OTUD7A: variants seen among roughly 807,000 people sequenced by gnomAD.
OTUD7A encodes OTU domain-containing protein 7A.
A neutral mutation model predicts 65.7 loss-of-function variants in OTUD7A; 12 were observed. The observed-to-expected ratio is 0.18, with a 90% CI of 0.12 to 0.30. The LOEUF is 0.30. Among genes scored for constraint, OTUD7A ranks in the 10% least tolerant of loss-of-function variants. The pLI is 1.00. For synonymous variants in OTUD7A, 641 were observed against 586.3 expected (o/e 1.09, Z -1.35); for missense variants, 1,148 against 1,304.8 (o/e 0.88, Z 1.85).
intron 3 of OTUD7A, among the ~76,000 whole-genome samples, chr15:31,580,784 C>T (rs548293300): frequency 2.4e-3 from 369 of 152,284 alleles, no homozygotes; most frequent in Middle Eastern, 0.01. Flanking sequence ...ACTATCTCTA[C>T]CTGACCCTGC....
chr15:31,632,168 C>G (rs1363195929), intron 3 of OTUD7A, among the ~76,000 whole-genome samples: 1 of 152,196 alleles, frequency 6.6e-6, no homozygotes, highest in East Asian at 1.9e-4. Context: ...AGGTGCTCTG[C>G]TTTTTAGTGT....
At chr15:31,615,318 A>C (rs370170421) in intron 3 of OTUD7A, among the ~76,000 whole-genome samples, 7 of 152,338 alleles carry the variant, frequency 4.6e-5, no homozygotes, top group African/African-American at 1.7e-4. Flanking sequence ...AAAAGAGCTA[A>C]TGTAGAAAAA....
chr15:31,666,902 G>C (rs1042736917), intron 1 of OTUD7A, among the ~76,000 whole-genome samples: 2 of 152,156 alleles, frequency 1.3e-5, no homozygotes, highest in African/African-American at 4.8e-5. Flanking sequence ...GCTCATTCAG[G>C]AACAGGTTAT....
intron 1 of OTUD7A, among the ~76,000 whole-genome samples, chr15:31,768,930 A>G (rs1026689253): frequency 2.0e-5 from 3 of 152,344 alleles, no homozygotes; most frequent in East Asian, 3.8e-4. Flanking sequence ...CAAGCATCCC[A>G]AAGATAGGAA....
At position 31,795,979 on chromosome 15, in the gene OTUD7A, T is replaced by C. The variant is rs545390210; in HGVS notation, c.-100+74528A>G. 9.5e-4 allele frequency among the ~76,000 whole-genome samples: 145 copies of C among 152,288 alleles called. 2 individuals carry two copies. Among genetic ancestry groups the C allele is most frequent in the African/African-American group, 3.4e-3 (143 of 41,554 alleles). ...CTAACTGCTTCATCTCCTGAAATGT[T>C]CATGCGGACCCTGCATCATCCTCGT... is the stretch of plus-strand genomic sequence containing the variant. On this transcript the variant is annotated intron_variant, in intron 1 of 12. Transcript: ENST00000307050.
intron 5 of OTUD7A, among the ~76,000 whole-genome samples, chr15:31,533,968 T>C (rs1343594587): frequency 2.0e-5 from 3 of 152,150 alleles, no homozygotes; most frequent in African/African-American, 7.2e-5. Flanking sequence ...TCAACACCAA[T>C]AGACTTTGAT....
chr15:31,770,449 T>G (rs1595757550), intron 1 of OTUD7A, among the ~76,000 whole-genome samples: 1 of 152,176 alleles, frequency 6.6e-6, no homozygotes, highest in Non-Finnish European at 1.5e-5. Flanking sequence ...CAAAGTAAAG[T>G]CCACCCTGAA....
At chr15:31,565,680 CAG>C (rs1566922976) in intron 4 of OTUD7A, among the ~76,000 whole-genome samples, 2 of 152,046 alleles carry the variant, frequency 1.3e-5, no homozygotes, top group Admixed American at 6.6e-5. Flanking sequence ...TCAAGTGTAA[CAG>C]GGGGGCAGCC....
intron 1 of OTUD7A, among the ~76,000 whole-genome samples, chr15:31,860,872 ATT>A (rs5811669): frequency 0.052 from 4,549 of 87,230 alleles, 79 homozygotes; most frequent in Middle Eastern, 0.11. Context: ...TGCCCAGCTA[ATT>A]TTTTTTTTTT....
intron 1 of OTUD7A, among the ~76,000 whole-genome samples, chr15:31,700,193 T>G (rs1295150399): frequency 6.6e-6 from 1 of 151,358 alleles, no homozygotes; most frequent in Non-Finnish European, 1.5e-5. Flanking sequence ...TCTCACTGAT[T>G]CCTTTTCCAA....
intron 5 of OTUD7A, among the ~76,000 whole-genome samples, chr15:31,552,179 G>A (rs914871448): frequency 1.3e-5 from 2 of 152,106 alleles, no homozygotes; most frequent in Non-Finnish European, 1.5e-5. Flanking sequence ...CTTCTGCCAG[G>A]ACTGGAAGCT....
intron 3 of OTUD7A, among the ~76,000 whole-genome samples, chr15:31,642,002 G>A (rs1287842743): frequency 6.6e-6 from 1 of 152,188 alleles, no homozygotes; most frequent in East Asian, 1.9e-4. Context: ...GATCTTTGGG[G>A]AAAAGCTTTC....
chr15:31,791,900 A>G (rs773956638), intron 1 of OTUD7A, among the ~76,000 whole-genome samples: 3 of 151,916 alleles, frequency 2.0e-5, no homozygotes, highest in Non-Finnish European at 2.9e-5. Context: ...CCCTCCCCAA[A>G]TGCACTCCCA....
At chr15:31,606,297 G>A (rs1446762907) in intron 3 of OTUD7A, among the ~76,000 whole-genome samples, 1 of 152,210 alleles carries the variant, frequency 6.6e-6, no homozygotes, top group Non-Finnish European at 1.5e-5. Context: ...GGGAGGGAGA[G>A]ACGAAGTGGT....
At chr15:31,626,002 C>T (rs1380497692) in intron 3 of OTUD7A, among the ~76,000 whole-genome samples, 2 of 150,992 alleles carry the variant, frequency 1.3e-5, no homozygotes, top group South Asian at 4.2e-4. Context: ...AAATTGAGAA[C>T]AATGGTTGCT....
chr15:31,834,125 C>CT (rs924788239), intron 1 of OTUD7A, among the ~76,000 whole-genome samples: 4 of 152,206 alleles, frequency 2.6e-5, no homozygotes, highest in African/African-American at 7.2e-5. Flanking sequence ...TTTGAATGGC[C>CT]TCAGGTGCCC....
chr15:31,798,000 T>C (rs576292066), intron 1 of OTUD7A, among the ~76,000 whole-genome samples: 2 of 152,120 alleles, frequency 1.3e-5, no homozygotes, highest in Non-Finnish European at 2.9e-5. Flanking sequence ...ACACCCGCCT[T>C]TTCACTGCGT....
chr15:31,670,243 A>C (rs2141294765), intron 1 of OTUD7A, among the ~76,000 whole-genome samples: 1 of 151,978 alleles, frequency 6.6e-6, no homozygotes, highest in South Asian at 2.1e-4. Flanking sequence ...AAATGAACAC[A>C]CACATGCATG....
At chr15:31,814,025 G>C (rs1436291554) in intron 1 of OTUD7A, among the ~76,000 whole-genome samples, 3 of 152,350 alleles carry the variant, frequency 2.0e-5, no homozygotes, top group South Asian at 2.1e-4. Context: ...AACGGTGAGA[G>C]CATCAATCCA....
Sources: allele counts gnomAD v4.1 joint callset (sites outside exome capture counted in the v4.1 genomes callset), GRCh38; gene constraint gnomAD v4.1.1; transcripts MANE v1.5; gene names NCBI Gene and HGNC (gene_info 2026-07-23, HGNC 2026-07-21).